The following NALF1 variants were observed in gnomAD, a reference collection of about 807,000 sequenced individuals.
The protein encoded by NALF1 is NALCN channel auxiliary factor 1, also known as family with sequence similarity 155 member A.
Under a neutral mutation model 48.4 loss-of-function variants are expected in NALF1, and 3 were observed. That is an observed-to-expected ratio of 0.06 (90% confidence interval 0.03 to 0.16). NALF1 has a LOEUF of 0.16. Among genes scored for constraint, NALF1 ranks in the 10% least tolerant of loss-of-function variants. The probability of loss-of-function intolerance (pLI) is 1.00; values close to 1 mark genes in which losing one functional copy is unlikely to be tolerated. For synonymous variants in NALF1, 262 were observed against 245.7 expected, an observed-to-expected ratio of 1.07 and a Z score of -0.62; for missense variants, 526 against 571.5, an observed-to-expected ratio of 0.92 and a Z score of 0.81.
At chr13:107,849,850 G>A (rs9301264) in intron 1 of NALF1, among the ~76,000 whole-genome samples, 4,172 of 152,142 alleles carry the variant, frequency 0.027, 123 homozygotes, top group African/African-American at 0.072. Context: ...ATCTTTAAGA[G>A]TACTCTCAAA....
rs528581608 is a variant in NALF1 at position 107,471,219 on chromosome 13, G to A, written c.916-260464C>T. On this transcript the variant is annotated intron_variant, in intron 1 of 2. Transcript: ENST00000375915. ...AACCAAATTACCATGTGAGACACAA[G>A]TTACATTGTGATCATCAAATTGGCA... 2.0e-5 allele frequency among the ~76,000 whole-genome samples: 3 copies of A among 151,620 alleles called. No homozygotes were observed. The East Asian group carries it at 5.8e-4, about 29-fold the overall frequency.
rs114266711 is a variant in NALF1, at chr13:107,561,180, C to T, written c.915+304502G>A. 3.7e-3 allele frequency among the ~76,000 whole-genome samples: 559 copies of T among 152,294 alleles called. 5 individuals are homozygous for T. Among genetic ancestry groups the T allele is most frequent in the African/African-American group, 0.013 (536 of 41,562 alleles). ...AGATGTAACAGTCACATGATATTTT[C>T]ATCTAAGAAACATTTCATATTGCAA... On this transcript the variant is annotated intron_variant, in intron 1 of 2. Transcript: ENST00000375915.
chr13:107,751,645 T>G (rs1034253812), intron 1 of NALF1, among the ~76,000 whole-genome samples: 2 of 152,140 alleles, frequency 1.3e-5, no homozygotes, highest in Non-Finnish European at 2.9e-5. Flanking sequence ...CGTGTACAAA[T>G]TGAAGGCCTA....
chr13:107,202,194 A>C (rs7318332), intron 2 of NALF1, among the ~76,000 whole-genome samples: 2,874 of 152,050 alleles, frequency 0.019, 111 homozygotes, highest in African/African-American at 0.066. Flanking sequence ...TTTAATTTGG[A>C]ATTAACTTTA....
intron 2 of NALF1, among the ~76,000 whole-genome samples, chr13:107,191,174 G>C (rs1879270819): frequency 6.6e-6 from 1 of 152,068 alleles, no homozygotes; most frequent in South Asian, 2.1e-4. Flanking sequence ...TGACCTCAGA[G>C]GTCATTGGTT....
rs192525362 is a variant in NALF1 at position 107,652,967 on chromosome 13, C to T, written c.915+212715G>A. On this transcript the variant is annotated intron_variant, in intron 1 of 2. Coordinates refer to ENST00000375915, the MANE Select transcript of NALF1 (RefSeq NM_001080396.3). ...ACAGTCTCTTCTATGTTCTAAGTTGCTATTATTTATTTTTCATAACTTCTG... is the reference window on the plus strand; with the variant it reads ...ACAGTCTCTTCTATGTTCTAAGTTGTTATTATTTATTTTTCATAACTTCTG... 2.7e-3 allele frequency among the ~76,000 whole-genome samples: 409 copies of T among 152,132 alleles called. 2 individuals carry two copies. The highest frequency in any genetic ancestry group is 9.5e-3 in the African/African-American group (394 of 41,494).
chr13:107,767,916 G>T lies in NALF1; in HGVS notation c.915+97766C>A, dbSNP rs147282842. On this transcript the variant is annotated intron_variant, in intron 1 of 2. Transcript: ENST00000375915. ...ACACAATTAAAGAGTGGGGAGAGAT[G>T]TATGAAGTAGAGACACGTTGAGAAA... Among the ~76,000 whole-genome samples, 1,200 of 152,298 alleles carry T rather than the reference G, an allele frequency of 7.9e-3. 3 individuals are homozygous for T. The highest frequency in any genetic ancestry group is 0.013 in the Non-Finnish European group (893 of 68,026).
At chr13:107,239,356 GGTGCT>G (rs1880418603) in intron 1 of NALF1, among the ~76,000 whole-genome samples, 2 of 152,152 alleles carry the variant, frequency 1.3e-5, no homozygotes, top group African/African-American at 2.4e-5. Context: ...CTGGTTTGCA[GGTGCT>G]TCACGCCAGT....
rs139672637 is a variant in NALF1, at chr13:107,636,615, A to T, written c.915+229067T>A. On this transcript the variant is annotated intron_variant, in intron 1 of 2. Coordinates refer to ENST00000375915, the MANE Select transcript of NALF1 (RefSeq NM_001080396.3). ...AAGCAACAGATGCTTCTTACTTTTT[A>T]ACTCTTCTTGTACAATTTTGTATGG... is the stretch of plus-strand genomic sequence containing the variant. Among the ~76,000 whole-genome samples, 5 of 152,182 alleles carry T rather than the reference A, an allele frequency of 3.3e-5. No individual in the cohort carries two copies. The East Asian group carries it at 9.7e-4, about 29-fold the overall frequency.
rs184819237 is a variant in NALF1, at chr13:107,410,589, C to G, written c.916-199834G>C. On this transcript the variant is annotated intron_variant, in intron 1 of 2. Transcript: ENST00000375915. ...GCATGCACACACACACATACACACA[C>G]GACAATGCTGTTAAAACTCTTGAAA... Among the ~76,000 whole-genome samples, 188 of 152,172 alleles carry G rather than the reference C, an allele frequency of 1.2e-3. 1 individual carries two copies. Among genetic ancestry groups the G allele is most frequent in the African/African-American group, 4.2e-3 (176 of 41,504 alleles).
intron 1 of NALF1, among the ~76,000 whole-genome samples, chr13:107,656,491 C>A (rs1332427970): frequency 6.6e-6 from 1 of 151,666 alleles, no homozygotes; most frequent in Non-Finnish European, 1.5e-5. Context: ...TGGCCATAAT[C>A]AAAAAAATCA....
intron 1 of NALF1, among the ~76,000 whole-genome samples, chr13:107,849,357 T>C (rs1880252243): frequency 6.6e-6 from 1 of 152,212 alleles, no homozygotes; most frequent in Non-Finnish European, 1.5e-5. Flanking sequence ...AAGAAAAATA[T>C]TGATAGTTCT....
intron 1 of NALF1, among the ~76,000 whole-genome samples, chr13:107,247,093 G>A (rs4771568): frequency 0.2 from 29,751 of 152,080 alleles, 3,574 homozygotes; most frequent in South Asian, 0.42. Context: ...CACCCAATTT[G>A]TATTTTAATT....
chr13:107,266,683 G>C (rs1219949078), intron 1 of NALF1, among the ~76,000 whole-genome samples: 1 of 152,076 alleles, frequency 6.6e-6, no homozygotes, highest in African/African-American at 2.4e-5. Context: ...ACACCACAGA[G>C]GTTGACCAAA....
chr13:107,337,109 T>C (rs911871039), intron 1 of NALF1, among the ~76,000 whole-genome samples: 2 of 141,240 alleles, frequency 1.4e-5, no homozygotes, highest in African/African-American at 2.8e-5. Flanking sequence ...TTAGGCCACA[T>C]CACGGCATGG....
chr13:107,438,827 CAAA>C (rs61686895), intron 1 of NALF1, among the ~76,000 whole-genome samples: 115 of 17,950 alleles, frequency 6.4e-3, no homozygotes, highest in South Asian at 0.019. Context: ...GACTCCATCT[CAAA>C]AAAAAAAAAA....
chr13:107,256,052 A>T, intron 1 of NALF1, among the ~76,000 whole-genome samples: 1 of 152,190 alleles, frequency 6.6e-6, no homozygotes, highest in East Asian at 1.9e-4. Flanking sequence ...TTCAGAGCCT[A>T]CTCATCCCGG....
At chr13:107,693,168 C>G (rs1055045021) in intron 1 of NALF1, among the ~76,000 whole-genome samples, 1 of 152,074 alleles carries the variant, frequency 6.6e-6, no homozygotes, top group Non-Finnish European at 1.5e-5. Context: ...CTGTTGTTTC[C>G]TGCAGGGACA....
chr13:107,597,478 G>T (rs533800782), intron 1 of NALF1, among the ~76,000 whole-genome samples: 36 of 152,032 alleles, frequency 2.4e-4, no homozygotes, highest in Non-Finnish European at 4.7e-4. Context: ...GACAATGCAT[G>T]AATTTTTGTG....
Sources: allele counts gnomAD v4.1 joint callset (sites outside exome capture counted in the v4.1 genomes callset), GRCh38; gene constraint gnomAD v4.1.1; transcripts MANE v1.5; gene names NCBI Gene and HGNC (gene_info 2026-07-23, HGNC 2026-07-21).